RASAL2: variants seen among roughly 807,000 people sequenced by gnomAD.
RASAL2 encodes ras GTPase-activating protein nGAP.
Under a neutral mutation model 128.9 loss-of-function variants are expected in RASAL2, and 58 were observed. The ratio of observed to expected loss-of-function variants is 0.45; its 90% CI spans 0.36 to 0.56. The LOEUF is 0.56. Ranked by LOEUF, RASAL2 falls within the 20% of genes least tolerant of loss-of-function variation. The pLI, the probability that RASAL2 is intolerant of heterozygous loss-of-function variation, is 0.00. For synonymous variants in RASAL2, 561 were observed against 580.8 expected (o/e 0.97, Z 0.49); for missense variants, 1,360 against 1,601.6 (o/e 0.85, Z 2.57).
At chr1:178,312,921 A>G (rs1017310938) in intron 3 of RASAL2, among the ~76,000 whole-genome samples, 3 of 152,216 alleles carry the variant, frequency 2.0e-5, no homozygotes, top group African/African-American at 7.2e-5. Flanking sequence ...TGAATTTTTT[A>G]ATCCTTGTAA....
At chr1:178,226,260 A>G (rs1663782044) in intron 1 of RASAL2, among the ~76,000 whole-genome samples, 1 of 152,170 alleles carries the variant, frequency 6.6e-6, no homozygotes, top group African/African-American at 2.4e-5. Flanking sequence ...GTCTGGAAGC[A>G]GATTTGTTGC....
At chr1:178,414,292 G>T (rs1674607200) in intron 4 of RASAL2, among the ~76,000 whole-genome samples, 1 of 152,158 alleles carries the variant, frequency 6.6e-6, no homozygotes, top group Non-Finnish European at 1.5e-5. Flanking sequence ...GTTTGCCAGG[G>T]GTTGGAGTGT....
chr1:178,213,344 A>G (rs988005263), intron 1 of RASAL2, among the ~76,000 whole-genome samples: 51 of 152,184 alleles, frequency 3.4e-4, no homozygotes, highest in African/African-American at 1.2e-3. Flanking sequence ...GTACCTAGCC[A>G]TATTCACTAA....
At position 178,399,332 on chromosome 1, in the gene RASAL2, T is replaced by C. The variant is rs576441998; in HGVS notation, c.564+9126T>C. ...TGCCCCTGCCTGTCATCTCCAGGGA[T>C]GTCTTACAGGTAGATAGAAACCACA... On this transcript the variant is annotated intron_variant, in intron 4 of 17. Coordinates refer to ENST00000367649, the MANE Select transcript of RASAL2 (RefSeq NM_170692.4). 4.0e-5 allele frequency among the ~76,000 whole-genome samples: 6 copies of C among 149,630 alleles called. No individual in the cohort carries two copies. The South Asian group carries it at 1.3e-3, about 31-fold the overall frequency.
chr1:178,312,671 A>G (rs1668315575), intron 3 of RASAL2, among the ~76,000 whole-genome samples: 1 of 152,232 alleles, frequency 6.6e-6, no homozygotes, highest in Non-Finnish European at 1.5e-5. Context: ...AAAGACAGCC[A>G]GTTCAGACTG....
chr1:178,192,884 A>C (rs1662537373), intron 1 of RASAL2, among the ~76,000 whole-genome samples: 1 of 152,164 alleles, frequency 6.6e-6, no homozygotes, highest in African/African-American at 2.4e-5. Flanking sequence ...GCCCCTGGGG[A>C]AAGTGAGATA....
In RASAL2 at chr1:178,476,057, A is replaced by G. The variant is rs1285888859; in HGVS notation, c.*2818A>G. 1 of 152,234 alleles carries G rather than the reference A, an allele frequency of 6.6e-6. No individual in the cohort carries two copies. Among genetic ancestry groups the G allele is most frequent in the African/African-American group, 2.4e-5 (1 of 41,448 alleles). The allele number at this position is 152,234 out of a possible 1,614,324, so 9.4% of individuals were successfully genotyped here. On this transcript the variant is annotated 3_prime_UTR_variant, in exon 18 of 18. Coordinates refer to ENST00000367649, the MANE Select transcript of RASAL2 (RefSeq NM_170692.4). The stretch of plus-strand genomic sequence containing the variant: ...GGCTTTCCCTCAGTTCAAGTAGGTA[A>G]ATAACTTTGTTTGCTGGGAGGAGGT...
In RASAL2 at chr1:178,162,458, A is replaced by T. The variant is rs1272683165; in HGVS notation, c.202+67764A>T. ...TTTATATATAATATATATAATATTA[A>T]ATATATTTTATATATTTATATTTTA... On this transcript the variant is annotated intron_variant, in intron 1 of 17. Transcript: ENST00000367649. Among the ~76,000 whole-genome samples the T allele has an allele frequency of 1.7e-3, 204 of 120,898 alleles. 1 individual carries two copies. Among genetic ancestry groups the T allele is most frequent in the African/African-American group, 6.1e-3 (188 of 30,626 alleles). The allele number at this position is 120,898 out of a possible 152,430, so 79.3% of individuals were successfully genotyped here. A position where few individuals can be genotyped will look rare whatever the true frequency, so the allele number is the denominator to read the frequency against.
rs550611414 is a variant in RASAL2, at chr1:178,442,739, C to A, written c.992C>A (p.Pro331His). Residue 331 changes from proline to histidine, a missense_variant, in exon 8 of 18, where the codon CCT becomes CAT. Physicochemically the swap from Pro to His is moderately conservative, Grantham distance 77 (BLOSUM62 -2). This residue lies in a region of RASAL2 where 617 missense variants were observed against 714.2 expected (regional missense o/e 0.86). Transcript: ENST00000367649. ...LWIIEAKDLA[P>H]KKKYFCELCL... is the part of the protein sequence containing the mutation. ...ATCATTGAAGCCAAGGACCTTGCCC[C>A]TAAAAAGAAATATTTCTGCGAACTG... 112 of 1,613,768 alleles carry A rather than the reference C, an allele frequency of 6.9e-5. No homozygotes were observed. In the South Asian group the frequency reaches 1.2e-3, roughly 18 times the overall value.
chr1:178,162,706 G>T (rs1210914541), intron 1 of RASAL2, among the ~76,000 whole-genome samples: 1 of 150,178 alleles, frequency 6.7e-6, no homozygotes, highest in African/African-American at 2.5e-5. Context: ...TCCTGCCTCA[G>T]CCTCTCAAGT....
At chr1:178,138,670 G>T (rs951228629) in intron 1 of RASAL2, among the ~76,000 whole-genome samples, 1 of 152,052 alleles carries the variant, frequency 6.6e-6, no homozygotes, top group Non-Finnish European at 1.5e-5. Context: ...ACATGTTTGT[G>T]ATTGCTGTAT....
rs1339182640 is a variant in RASAL2, at chr1:178,476,897, C to T, written c.*3658C>T. On this transcript the variant is annotated 3_prime_UTR_variant, in exon 18 of 18. Transcript: ENST00000367649. ...TGAGTTTGCATTCGTATTTGTTTCC[C>T]CTTCCATAGAGGGTTAGTTTTAGTT... The T allele has an allele frequency of 1.3e-5, 2 of 152,190 alleles. No individual in the cohort carries two copies. Among genetic ancestry groups the T allele is most frequent in the East Asian group, 1.9e-4 (1 of 5,194 alleles). The allele number at this position is 152,190 out of a possible 1,614,324, so 9.4% of individuals were successfully genotyped here.
At chr1:178,153,573 A>C (rs367656816) in intron 1 of RASAL2, among the ~76,000 whole-genome samples, 1 of 152,156 alleles carries the variant, frequency 6.6e-6, no homozygotes, top group African/African-American at 2.4e-5. Context: ...TATGTGTTCT[A>C]TTGTATCTGG....
chr1:178,398,993 A>G (rs992184700), intron 4 of RASAL2, among the ~76,000 whole-genome samples: 1 of 152,218 alleles, frequency 6.6e-6, no homozygotes, highest in African/African-American at 2.4e-5. Flanking sequence ...ATGAAGTTCA[A>G]TGCTGTATTG....
At chr1:178,099,969 A>G (rs549804521) in intron 1 of RASAL2, among the ~76,000 whole-genome samples, 4 of 152,072 alleles carry the variant, frequency 2.6e-5, no homozygotes, top group African/African-American at 9.7e-5. Context: ...CAAAAAAAAA[A>G]CAAAATCATA....
chr1:178,215,319 A>G (rs1023120341), intron 1 of RASAL2, among the ~76,000 whole-genome samples: 3 of 152,220 alleles, frequency 2.0e-5, no homozygotes, highest in African/African-American at 7.2e-5. Flanking sequence ...AACTGATGTA[A>G]GCCACTTTGA....
intron 3 of RASAL2, among the ~76,000 whole-genome samples, chr1:178,373,511 C>T (rs1303338191): frequency 6.6e-6 from 1 of 151,754 alleles, no homozygotes; most frequent in Non-Finnish European, 1.5e-5. Context: ...CATAGAGAAA[C>T]ATCAGTGAAG....
chr1:178,232,209 G>C (rs1038620478), intron 1 of RASAL2, among the ~76,000 whole-genome samples: 2 of 152,016 alleles, frequency 1.3e-5, no homozygotes, highest in African/African-American at 4.8e-5. Context: ...TATTTTCAGG[G>C]GTTTATGAGC....
chr1:178,319,193 G>A (rs1044288541), intron 3 of RASAL2, among the ~76,000 whole-genome samples: 78 of 152,196 alleles, frequency 5.1e-4, no homozygotes, highest in African/African-American at 1.8e-3. Flanking sequence ...CCCTTTGAGG[G>A]TAACCCAACC....
Sources: allele counts gnomAD v4.1 joint callset (sites outside exome capture counted in the v4.1 genomes callset), GRCh38; gene constraint gnomAD v4.1.1; regional missense constraint gnomAD v4.1.1; transcripts MANE v1.5; gene names NCBI Gene and HGNC (gene_info 2026-07-23, HGNC 2026-07-21).